Variants in ZNF704 observed in about 807,000 individuals in gnomAD.
ZNF704 encodes the protein zinc finger protein 704.
Under a neutral mutation model 44.7 loss-of-function variants are expected in ZNF704, and 10 were observed. The ratio of observed to expected loss-of-function variants is 0.22; its 90% CI spans 0.14 to 0.38. ZNF704 has a LOEUF of 0.38. ZNF704 is among the 10% of genes least tolerant of loss of function. ZNF704 has a pLI of 1.00. For synonymous variants in ZNF704, 211 were observed against 207.6 expected (o/e 1.02, Z -0.14); for missense variants, 390 against 545.5 (o/e 0.71, Z 2.84).
At chr8:80,849,176 C>A (rs1808817262) in intron 1 of ZNF704, among the ~76,000 whole-genome samples, 1 of 152,120 alleles carries the variant, frequency 6.6e-6, no homozygotes, top group Admixed American at 6.5e-5. Context: ...TTGTTTCTCA[C>A]CAAATTCTAC....
At chr8:80,856,087 A>C (rs1256322915) in intron 1 of ZNF704, among the ~76,000 whole-genome samples, 1 of 152,154 alleles carries the variant, frequency 6.6e-6, no homozygotes, top group African/African-American at 2.4e-5. Context: ...CCTGTTGAGT[A>C]GCTGGGACTA....
chr8:80,688,502 G>T (rs1183996356), intron 3 of ZNF704, among the ~76,000 whole-genome samples: 1 of 152,174 alleles, frequency 6.6e-6, no homozygotes, highest in Non-Finnish European at 1.5e-5. Context: ...AGGAAGCAAA[G>T]TGACTTGCTA....
intron 2 of ZNF704, among the ~76,000 whole-genome samples, chr8:80,811,405 CT>C (rs1279505405): frequency 2.7e-5 from 4 of 150,744 alleles, no homozygotes; most frequent in African/African-American, 4.9e-5. Flanking sequence ...AGAGCTATAC[CT>C]TTTTTTTTGG....
At chr8:80,702,428 G>C (rs1026104256) in intron 2 of ZNF704, among the ~76,000 whole-genome samples, 1 of 152,204 alleles carries the variant, frequency 6.6e-6, no homozygotes, top group Non-Finnish European at 1.5e-5. Flanking sequence ...TGTTGTGATG[G>C]TCACTGGAGA....
chr8:80,665,962 T>C (rs1455474167), intron 5 of ZNF704, among the ~76,000 whole-genome samples: 2 of 114,210 alleles, frequency 1.8e-5, no homozygotes, highest in Non-Finnish European at 3.4e-5. Context: ...TTATTTTTTA[T>C]TTATTTATTT....
chr8:80,861,462 G>A lies in ZNF704; in HGVS notation c.-22+13109C>T, dbSNP rs528435661. ...ACTGTGGTTGCATGCTAATGGGTACGGGGTATCTTTCAGGGGTGACACAAG... is the reference window on the plus strand; with the variant it reads ...ACTGTGGTTGCATGCTAATGGGTACAGGGTATCTTTCAGGGGTGACACAAG... On this transcript the variant is annotated intron_variant, in intron 1 of 8. Coordinates refer to ENST00000327835, the MANE Select transcript of ZNF704 (RefSeq NM_001033723.3). Among the ~76,000 whole-genome samples, 4 of 152,234 alleles carry A rather than the reference G, an allele frequency of 2.6e-5. No homozygotes were observed. The South Asian group carries it at 6.2e-4, about 24-fold the overall frequency.
chr8:80,813,689 T>C (rs1467459477), intron 2 of ZNF704, among the ~76,000 whole-genome samples: 1 of 151,948 alleles, frequency 6.6e-6, no homozygotes, highest in Non-Finnish European at 1.5e-5. Flanking sequence ...CATGCTGTCT[T>C]AACACGGTGA....
chr8:80,787,155 T>C (rs907110637), intron 2 of ZNF704, among the ~76,000 whole-genome samples: 6 of 152,266 alleles, frequency 3.9e-5, no homozygotes, highest in African/African-American at 1.4e-4. Context: ...TGCTGTACTC[T>C]ATGTGCTACT....
At chr8:80,685,107 G>A (rs189368753) in intron 4 of ZNF704, among the ~76,000 whole-genome samples, 5 of 151,900 alleles carry the variant, frequency 3.3e-5, no homozygotes, top group African/African-American at 9.7e-5. Flanking sequence ...TTCTTCTGGA[G>A]TGGGCCTGTG....
rs527281810 is a variant in ZNF704 at position 80,733,972 on chromosome 8, A to AT, written c.222-40866dup. Among the ~76,000 whole-genome samples the AT allele has an allele frequency of 4.9e-3, 751 of 151,984 alleles. 5 individuals are homozygous for AT. Among genetic ancestry groups the AT allele is most frequent in the African/African-American group, 0.017 (709 of 41,462 alleles). The stretch of plus-strand genomic sequence containing the variant: ...CCTCAGAAAACAAAAGACGATATGC[A>AT]TTTTTTTTGCTATGGATCTGATAGT... On this transcript the variant is annotated intron_variant, in intron 2 of 8. Transcript: ENST00000327835.
chr8:80,659,486 G>T, intron 7 of ZNF704, 99 bp downstream of exon 7: 2 of 909,310 alleles, frequency 2.2e-6, no homozygotes, highest in Non-Finnish European at 3.7e-6. Flanking sequence ...CTGGCATTCT[G>T]ATGTTTGTAT....
At chr8:80,676,073 TG>T (rs1818361297) in intron 4 of ZNF704, among the ~76,000 whole-genome samples, 2 of 152,170 alleles carry the variant, frequency 1.3e-5, no homozygotes, top group Admixed American at 1.3e-4. Flanking sequence ...CCAACTGTGT[TG>T]AACAAGGACT....
intron 2 of ZNF704, among the ~76,000 whole-genome samples, chr8:80,756,108 C>CAAA (rs112305520): frequency 7.3e-6 from 1 of 136,090 alleles, no homozygotes; most frequent in African/African-American, 2.6e-5. Flanking sequence ...GACCTCGTCT[C>CAAA]AAAAAAAAAA....
At chr8:80,798,571 T>C (rs1380355596) in intron 2 of ZNF704, among the ~76,000 whole-genome samples, 1 of 152,150 alleles carries the variant, frequency 6.6e-6, no homozygotes, top group Non-Finnish European at 1.5e-5. Flanking sequence ...TCCATATTTC[T>C]ATCAGAATTC....
chr8:80,705,492 CTGTG>C (rs145650149), intron 2 of ZNF704, among the ~76,000 whole-genome samples: 1 of 149,478 alleles, frequency 6.7e-6, no homozygotes, highest in Non-Finnish European at 1.5e-5. Flanking sequence ...TCTGGGTCCT[CTGTG>C]TGTGTGTGTG....
chr8:80,687,927 T>C lies in ZNF704; in HGVS notation c.326-469A>G, dbSNP rs545399760. Among the ~76,000 whole-genome samples, 3 of 152,288 alleles carry C rather than the reference T, an allele frequency of 2.0e-5. No individual in the cohort carries two copies. In the South Asian group the frequency reaches 6.2e-4, roughly 32 times the overall value. ...TTTTTTTAAAAAGGGATTTCTTAGC[T>C]GAGGGCAGTGGCTCACTTCTCTTAT... On this transcript the variant is annotated intron_variant, in intron 3 of 8. Transcript: ENST00000327835.
At chr8:80,775,476 A>C (rs1807395845) in intron 2 of ZNF704, among the ~76,000 whole-genome samples, 2 of 152,236 alleles carry the variant, frequency 1.3e-5, no homozygotes, top group Admixed American at 1.3e-4. Context: ...AAGGTAAAAT[A>C]AATGATAAAG....
chr8:80,713,201 T>C (rs1563528181), intron 2 of ZNF704, among the ~76,000 whole-genome samples: 4 of 152,214 alleles, frequency 2.6e-5, no homozygotes, highest in Non-Finnish European at 5.9e-5. Flanking sequence ...TGAATTGTTT[T>C]GTCACCCTTG....
chr8:80,866,193 T>C (rs1809151670), intron 1 of ZNF704, among the ~76,000 whole-genome samples: 2 of 152,198 alleles, frequency 1.3e-5, no homozygotes, highest in South Asian at 4.1e-4. Context: ...CAGAATTACA[T>C]CTCAAATTGT....
Sources: gnomAD v4.1 joint callset for allele counts (sites outside exome capture counted in the v4.1 genomes callset) on GRCh38, gnomAD v4.1.1 for gene constraint, MANE v1.5 for transcripts, NCBI Gene and HGNC (gene_info 2026-07-23, HGNC 2026-07-21) for gene names.